ATG4B: variants seen among roughly 807,000 people sequenced by gnomAD.
The protein encoded by ATG4B is autophagy related 4B cysteine peptidase.
Under a neutral mutation model 56.6 loss-of-function variants are expected in ATG4B, and 29 were observed. The observed-to-expected ratio is 0.51, with a 90% CI of 0.38 to 0.70. The LOEUF (loss-of-function observed/expected upper bound fraction) is 0.70. ATG4B is among the 30% of genes least tolerant of loss of function. The pLI is 0.00. For synonymous variants in ATG4B, 224 were observed against 206.1 expected (o/e 1.09, Z -0.74); for missense variants, 461 against 515.5 (o/e 0.89, Z 1.02).
At chr2:241,653,366 A>G in intron 3 of ATG4B, 146 bp from the exon 4 acceptor site, 1 of 1,550,370 alleles carries the variant, frequency 6.5e-7, no homozygotes, top group Non-Finnish European at 8.7e-7. Context: ...CTGAGTCCTA[A>G]GAGGTGTGTG....
chr2:241,653,518 C>T lies in ATG4B; in HGVS notation c.191C>T (p.Thr64Ile). 1 of 1,578,936 alleles carries T rather than the reference C, an allele frequency of 6.3e-7. No individual in the cohort carries two copies. Among genetic ancestry groups the T allele is most frequent in the South Asian group, 1.2e-5 (1 of 85,906 alleles). ...YRKNFPAIGGTGPTSDTGWGC... is the reference protein window; with the variant it reads ...YRKNFPAIGGIGPTSDTGWGC... ...TCTCTGTCTGCCACGACAGGGGGGACAGGCCCCACCTCGGACACAGGCTGG... is the reference window on the plus strand; with the variant it reads ...TCTCTGTCTGCCACGACAGGGGGGATAGGCCCCACCTCGGACACAGGCTGG... Residue 64 changes from threonine (T) to isoleucine (I), a missense_variant, in exon 4 of 13, where the codon ACA becomes ATA. Physicochemically the swap from Thr to Ile is moderately conservative, Grantham distance 89 (BLOSUM62 -1). Coordinates refer to ENST00000404914, the MANE Select transcript of ATG4B (RefSeq NM_013325.5).
chr2:241,643,381 T>C (rs2125113191), intron 1 of ATG4B, among the ~76,000 whole-genome samples: 1 of 149,452 alleles, frequency 6.7e-6, no homozygotes, highest in African/African-American at 2.5e-5. Context: ...TTTTTTTTTT[T>C]TTTTTAAGAG....
At chr2:241,650,399 G>T (rs552022896) in intron 1 of ATG4B, among the ~76,000 whole-genome samples, 3 of 152,140 alleles carry the variant, frequency 2.0e-5, no homozygotes, top group Non-Finnish European at 2.9e-5. Flanking sequence ...AGGAAATTGG[G>T]GTAGACCAGA....
intron 7 of ATG4B, chr2:241,659,811 C>G: frequency 6.1e-6 from 1 of 164,098 alleles, no homozygotes; most frequent in South Asian, 1.5e-4. Flanking sequence ...ACCTTTTTCC[C>G]AAGGAACTTC....
chr2:241,657,436 C>G (rs997730199), intron 6 of ATG4B, among the ~76,000 whole-genome samples: 8 of 151,926 alleles, frequency 5.3e-5, no homozygotes, highest in African/African-American at 1.9e-4. Context: ...TCTTCAGTAG[C>G]TGGGATTATA....
rs1175852058 is a variant in ATG4B, at chr2:241,672,561, C to T, written c.*297C>T. ...CAGCCCCGTGTTAGCACCTGGGCCTCAGTCCCACTTGCTCCCAGGCGCCGG... is the reference window on the plus strand; with the variant it reads ...CAGCCCCGTGTTAGCACCTGGGCCTTAGTCCCACTTGCTCCCAGGCGCCGG... On this transcript the variant is annotated 3_prime_UTR_variant, in exon 13 of 13. Transcript: ENST00000404914. 7 of 438,306 alleles carry T rather than the reference C, an allele frequency of 1.6e-5. No homozygotes were observed. The highest frequency in any genetic ancestry group is 9.2e-5 in the South Asian group (3 of 32,512). 27.2% of individuals were successfully genotyped at this position (438,306 alleles called of 1,614,324 possible).
At chr2:241,654,484 G>A in intron 4 of ATG4B, 62 bp from the exon 5 acceptor site, 3 of 1,044,194 alleles carry the variant, frequency 2.9e-6, no homozygotes, top group South Asian at 1.4e-5. Context: ...TCTTTAGTGT[G>A]AAAGTGAAAA....
In ATG4B at chr2:241,668,131, G is replaced by C; in HGVS notation, c.733-12G>C. 1 of 1,585,060 alleles carries C rather than the reference G, an allele frequency of 6.3e-7. No homozygotes were observed. The highest frequency in any genetic ancestry group is 1.2e-5 in the South Asian group (1 of 86,246). On this transcript the variant is annotated splice_polypyrimidine_tract_variant and intron_variant, in intron 8 of 12. Coordinates refer to ENST00000404914, the MANE Select transcript of ATG4B (RefSeq NM_013325.5). The surrounding 1 kb of genome is among the most constrained non-coding windows in gnomAD (Gnocchi z 4.2). Reference sequence around the variant, plus strand: ...ACCTGGGACCTGTGCTCAGTCCCCCGCCCCTCCACAGCACTGCTTCATGAT... The same window carrying C: ...ACCTGGGACCTGTGCTCAGTCCCCCCCCCCTCCACAGCACTGCTTCATGAT...
Position 241,672,215 on chromosome 2 carries a change from A to C in ATG4B, c.1133A>C (p.Glu378Ala). ...GATTCTTCTGATGTAGAGCGACTGG[A>C]AAGATTCTTCGACTCAGAAGATGAA... ...SLDSSDVERLERFFDSEDEDF... is the reference protein window; with the variant it reads ...SLDSSDVERLARFFDSEDEDF... Residue 378 changes from glutamate (E) to alanine (A), a missense_variant, in exon 13 of 13, where the codon GAA (glutamate) becomes GCA (alanine). Coordinates refer to ENST00000404914, the MANE Select transcript of ATG4B (RefSeq NM_013325.5). The C allele has an allele frequency of 6.3e-7, 1 of 1,586,348 alleles. No homozygotes were observed. Among genetic ancestry groups the C allele is most frequent in the Non-Finnish European group, 8.6e-7 (1 of 1,165,836 alleles).
At chr2:241,661,651 A>G (rs2068597194) in intron 7 of ATG4B, among the ~76,000 whole-genome samples, 1 of 152,210 alleles carries the variant, frequency 6.6e-6, no homozygotes, top group Admixed American at 6.5e-5. Context: ...TTCTTCCTGC[A>G]GCGAAAGAGC....
At chr2:241,657,884 G>C (rs141858077) in intron 6 of ATG4B, among the ~76,000 whole-genome samples, 11,384 of 152,174 alleles carry the variant, frequency 0.075, 743 homozygotes, top group East Asian at 0.25. Context: ...GGCTCTACCC[G>C]ACCTCCCTGG....
chr2:241,645,021 T>C (rs1448599045), intron 1 of ATG4B, among the ~76,000 whole-genome samples: 1 of 152,158 alleles, frequency 6.6e-6, no homozygotes, highest in African/African-American at 2.4e-5. Context: ...AAGTAAGATC[T>C]GGAAGGTCAG....
intron 7 of ATG4B, among the ~76,000 whole-genome samples, chr2:241,661,127 G>C (rs963675996): frequency 3.3e-5 from 5 of 152,242 alleles, no homozygotes; most frequent in African/African-American, 9.6e-5. Flanking sequence ...GGAAGAGCTT[G>C]AATCTGCATT....
At chr2:241,650,138 G>A (rs189695162) in intron 1 of ATG4B, among the ~76,000 whole-genome samples, 8 of 152,296 alleles carry the variant, frequency 5.3e-5, no homozygotes, top group Admixed American at 1.3e-4. Flanking sequence ...CTAATCATTA[G>A]CCCAGCAGGT....
At chr2:241,661,739 A>T (rs1216200245) in intron 7 of ATG4B, among the ~76,000 whole-genome samples, 1 of 152,132 alleles carries the variant, frequency 6.6e-6, no homozygotes, top group Non-Finnish European at 1.5e-5. Flanking sequence ...CAGTGTCCCC[A>T]TCCACCAACC....
intron 1 of ATG4B, among the ~76,000 whole-genome samples, chr2:241,650,017 C>G (rs2068182617): frequency 6.6e-6 from 1 of 152,198 alleles, no homozygotes; most frequent in Admixed American, 6.5e-5. Context: ...CTCCTGGCCT[C>G]AGGTGATCTG....
At chr2:241,663,357 G>A (rs947918983) in intron 7 of ATG4B, among the ~76,000 whole-genome samples, 4 of 152,186 alleles carry the variant, frequency 2.6e-5, no homozygotes, top group African/African-American at 7.2e-5. Context: ...TAGTAGATAC[G>A]TGTCAAACCC....
Position 241,672,428 on chromosome 2 carries a change from C to A in ATG4B, c.*164C>A, listed in dbSNP as rs1199191734. On this transcript the variant is annotated 3_prime_UTR_variant, in exon 13 of 13. Coordinates refer to ENST00000404914, the MANE Select transcript of ATG4B (RefSeq NM_013325.5). ...GACTGAGGCTGCGCTGCCCGGGAGG[C>A]CTTACTGCTTGGTGTCAGACTGCCC... The A allele has an allele frequency of 3.0e-6, 2 of 659,758 alleles. No homozygotes were observed. The highest frequency in any genetic ancestry group is 5.5e-5 in the East Asian group (2 of 36,462). The allele number at this position is 659,758 out of a possible 1,614,324, so 40.9% of individuals were successfully genotyped here.
intron 1 of ATG4B, among the ~76,000 whole-genome samples, chr2:241,638,702 T>A (rs112993560): frequency 3.3e-4 from 50 of 152,224 alleles, no homozygotes; most frequent in Non-Finnish European, 5.7e-4. Context: ...GTATTGCCAA[T>A]ATCTATTAAA....
Sources: allele counts gnomAD v4.1 joint callset (sites outside exome capture counted in the v4.1 genomes callset), GRCh38; gene constraint gnomAD v4.1.1; non-coding constraint Gnocchi (gnomAD v3.1); transcripts MANE v1.5; gene names NCBI Gene and HGNC (gene_info 2026-07-23, HGNC 2026-07-21).